TAFA1: variants seen among roughly 807,000 people sequenced by gnomAD.
TAFA1 encodes TAFA chemokine like family member 1, also known as chemokine-like protein TAFA-1.
A neutral mutation model predicts 18.5 loss-of-function variants in TAFA1; 4 were observed. The observed-to-expected ratio is 0.22, with a 90% CI of 0.11 to 0.49. The LOEUF (loss-of-function observed/expected upper bound fraction) is 0.49, where lower values mean the gene tolerates loss of function less well. Among genes scored for constraint, TAFA1 ranks in the 20% least tolerant of loss-of-function variants. TAFA1 has a pLI of 0.98. For synonymous variants in TAFA1, 56 were observed against 55.2 expected (o/e 1.01, Z -0.06); for missense variants, 147 against 169.0 (o/e 0.87, Z 0.72).
At chr3:68,172,346 ATAC>A (rs945271614) in intron 2 of TAFA1, among the ~76,000 whole-genome samples, 5 of 152,178 alleles carry the variant, frequency 3.3e-5, no homozygotes, top group African/African-American at 1.2e-4. Context: ...CCACACTGCA[ATAC>A]TACTTCATAC....
At chr3:68,479,029 G>A (rs912091070) in intron 3 of TAFA1, among the ~76,000 whole-genome samples, 1 of 150,106 alleles carries the variant, frequency 6.7e-6, no homozygotes, top group Admixed American at 6.6e-5. Flanking sequence ...TCAAGAGATC[G>A]AGACCATCCT....
At chr3:68,257,057 C>G (rs1170152463) in intron 2 of TAFA1, among the ~76,000 whole-genome samples, 1 of 152,102 alleles carries the variant, frequency 6.6e-6, no homozygotes, top group Non-Finnish European at 1.5e-5. Context: ...TCTTCCCTCA[C>G]TCGTAACGCT....
At chr3:68,065,761 TATATAC>T (rs200442735) in intron 2 of TAFA1, among the ~76,000 whole-genome samples, 3,942 of 141,878 alleles carry the variant, frequency 0.028, 92 homozygotes, top group African/African-American at 0.065. Context: ...TATATATATA[TATATAC>T]ACACACATTA....
At chr3:68,019,413 C>T (rs1365135528) in intron 2 of TAFA1, among the ~76,000 whole-genome samples, 1 of 152,194 alleles carries the variant, frequency 6.6e-6, no homozygotes, top group African/African-American at 2.4e-5. Flanking sequence ...TAGGATAAAT[C>T]TACATTTATT....
chr3:68,132,215 C>A (rs529193130), intron 2 of TAFA1, among the ~76,000 whole-genome samples: 20 of 152,220 alleles, frequency 1.3e-4, no homozygotes, highest in African/African-American at 3.6e-4. Flanking sequence ...TGAACTCATC[C>A]TTTTTATGGC....
chr3:67,991,634 T>C, the TAFA1 span, among the ~76,000 whole-genome samples: 3 of 152,356 alleles, frequency 2.0e-5, no homozygotes, highest in African/African-American at 7.2e-5. Flanking sequence ...ACTTCAGGAC[T>C]GACACAAGCA....
chr3:68,327,864 A>T (rs1458063214), intron 2 of TAFA1, among the ~76,000 whole-genome samples: 1 of 152,206 alleles, frequency 6.6e-6, no homozygotes, highest in Non-Finnish European at 1.5e-5. Flanking sequence ...AGTCTCCATA[A>T]TGAAAAAGAT....
chr3:68,417,679 C>T (rs1454781027), intron 3 of TAFA1: 3 of 431,522 alleles, frequency 7.0e-6, no homozygotes, highest in African/African-American at 2.0e-5. Context: ...TGAGAGGTGA[C>T]TGGGCTGTGA....
intron 2 of TAFA1, among the ~76,000 whole-genome samples, chr3:68,114,961 A>G (rs2065307965): frequency 6.6e-6 from 1 of 152,242 alleles, no homozygotes; most frequent in African/African-American, 2.4e-5. Flanking sequence ...TTCCAATTAT[A>G]TAATGCTTAA....
chr3:68,119,052 GTT>G (rs899543761), intron 2 of TAFA1, among the ~76,000 whole-genome samples: 1 of 145,882 alleles, frequency 6.9e-6, no homozygotes, highest in African/African-American at 2.5e-5. Flanking sequence ...TTTTTTTTGG[GTT>G]TTTTTTTTGA....
At chr3:68,345,012 AAC>A (rs2069142027) in intron 2 of TAFA1, among the ~76,000 whole-genome samples, 1 of 147,630 alleles carries the variant, frequency 6.8e-6, no homozygotes, top group Admixed American at 6.9e-5. Flanking sequence ...CAATTTAGGT[AAC>A]AGAGTGAGGC....
chr3:68,437,070 G>A (rs1366923535), intron 3 of TAFA1, among the ~76,000 whole-genome samples: 3 of 152,152 alleles, frequency 2.0e-5, no homozygotes, highest in Admixed American at 1.3e-4. Context: ...AGAAGACAGG[G>A]GAAATGAGGA....
At chr3:68,535,254 T>C (rs2073258555) in intron 3 of TAFA1, among the ~76,000 whole-genome samples, 2 of 152,312 alleles carry the variant, frequency 1.3e-5, no homozygotes, top group Admixed American at 6.5e-5. Context: ...CAATAGTGTA[T>C]GTTTTTCTTG....
At chr3:68,318,016 C>T (rs1448985513) in intron 2 of TAFA1, among the ~76,000 whole-genome samples, 2 of 152,122 alleles carry the variant, frequency 1.3e-5, no homozygotes, top group Non-Finnish European at 2.9e-5. Context: ...GTCTGCCAAA[C>T]TCACTGTGGT....
chr3:68,234,055 A>C (rs939233089), intron 2 of TAFA1, among the ~76,000 whole-genome samples: 1 of 152,200 alleles, frequency 6.6e-6, no homozygotes. Flanking sequence ...CGCTTTGCTG[A>C]ATATCACCGT....
intron 2 of TAFA1, among the ~76,000 whole-genome samples, chr3:68,262,747 G>A (rs1491728): frequency 0.1 from 13,623 of 130,274 alleles, 911 homozygotes; most frequent in Admixed American, 0.29. Flanking sequence ...GAATTTATGA[G>A]TGTGTGTGTC....
At chr3:68,221,766 C>A (rs1047739795) in intron 2 of TAFA1, among the ~76,000 whole-genome samples, 7 of 152,132 alleles carry the variant, frequency 4.6e-5, no homozygotes, top group Non-Finnish European at 8.8e-5. Flanking sequence ...GGGGGAGATT[C>A]TCAATGAATA....
intron 2 of TAFA1, among the ~76,000 whole-genome samples, chr3:68,135,598 T>G (rs2065597876): frequency 6.6e-6 from 1 of 152,200 alleles, no homozygotes; most frequent in South Asian, 2.1e-4. Flanking sequence ...TAGGGTTGCT[T>G]TGAGGATTAA....
chr3:68,176,935 T>C (rs542573240), intron 2 of TAFA1, among the ~76,000 whole-genome samples: 4 of 152,302 alleles, frequency 2.6e-5, no homozygotes, highest in Admixed American at 2.6e-4. Flanking sequence ...CAGTTGTTTA[T>C]GATTCACTAT....
Sources: gnomAD v4.1 joint callset for allele counts (sites outside exome capture counted in the v4.1 genomes callset) on GRCh38, gnomAD v4.1.1 for gene constraint, MANE v1.5 for transcripts, NCBI Gene and HGNC (gene_info 2026-07-23, HGNC 2026-07-21) for gene names.